DAB1: variants seen among roughly 807,000 people sequenced by gnomAD.
DAB1 encodes the protein DAB adaptor protein 1.
In DAB1, 15 loss-of-function variants were observed where a neutral mutation model predicts 64.6. The observed-to-expected ratio is 0.23, with a 90% CI of 0.16 to 0.36. DAB1 has a LOEUF of 0.36. Ranked by LOEUF, DAB1 falls within the 10% of genes least tolerant of loss-of-function variation. DAB1 has a pLI of 1.00. For missense variants in DAB1, 596 were observed against 706.7 expected, an observed-to-expected ratio of 0.84 and a Z score of 1.78; for synonymous variants, 235 against 251.9, an observed-to-expected ratio of 0.93 and a Z score of 0.64.
chr1:57,695,352 GAAAAGAAAGAAGAAAGAAAGA>G (rs1646819187), intron 6 of DAB1, among the ~76,000 whole-genome samples: 1 of 52,972 alleles, frequency 1.9e-5, no homozygotes. Flanking sequence ...AAGAAAGAAA[GAAAAGAAAGAAGAAAGAAAGA>G]AAGAAAGAAA....
intron 5 of DAB1, among the ~76,000 whole-genome samples, chr1:58,139,272 G>T (rs894498659): frequency 6.6e-6 from 1 of 152,066 alleles, no homozygotes; most frequent in Admixed American, 6.6e-5. Flanking sequence ...TATTGGTTCT[G>T]CCACCCATGA....
chr1:58,317,693 C>G (rs573141032), intron 4 of DAB1, among the ~76,000 whole-genome samples: 1 of 152,314 alleles, frequency 6.6e-6, no homozygotes, highest in African/African-American at 2.4e-5. Flanking sequence ...AGAGCCCAGC[C>G]AAGGTGACAC....
intron 1 of DAB1, among the ~76,000 whole-genome samples, chr1:57,303,916 C>G (rs1673902927): frequency 1.3e-5 from 2 of 152,160 alleles, no homozygotes; most frequent in South Asian, 4.1e-4. Flanking sequence ...CTACGCATGG[C>G]TTTACAATGT....
intron 6 of DAB1, among the ~76,000 whole-genome samples, chr1:57,797,797 T>C (rs919256612): frequency 6.6e-6 from 1 of 152,230 alleles, no homozygotes; most frequent in Non-Finnish European, 1.5e-5. Flanking sequence ...GAATTGGGAA[T>C]AAGCCATACC....
intron 1 of DAB1, among the ~76,000 whole-genome samples, chr1:57,308,706 C>T (rs1674406968): frequency 6.6e-6 from 1 of 152,146 alleles, no homozygotes; most frequent in Non-Finnish European, 1.5e-5. Context: ...CTAAAAAGTA[C>T]TTTTCCATCT....
intron 2 of DAB1, among the ~76,000 whole-genome samples, chr1:57,226,985 C>A (rs967887364): frequency 2.0e-5 from 3 of 150,686 alleles, no homozygotes; most frequent in African/African-American, 7.4e-5. Flanking sequence ...CAAGACTAGC[C>A]TGGGCAACAT....
At chr1:57,449,461 G>A (rs1396498524) in intron 7 of DAB1, among the ~76,000 whole-genome samples, 1 of 150,258 alleles carries the variant, frequency 6.7e-6, no homozygotes, top group Non-Finnish European at 1.5e-5. Context: ...CTCACATACA[G>A]CCTCAAACTC....
chr1:57,075,024 G>A (rs1424369867), intron 4 of DAB1, among the ~76,000 whole-genome samples: 1 of 152,148 alleles, frequency 6.6e-6, no homozygotes, highest in Non-Finnish European at 1.5e-5. Flanking sequence ...AGGGAAAAGT[G>A]GGAGACAAAG....
chr1:57,108,330 A>G (rs1655355017), intron 4 of DAB1, among the ~76,000 whole-genome samples: 1 of 152,158 alleles, frequency 6.6e-6, no homozygotes, highest in African/African-American at 2.4e-5. Flanking sequence ...TTTCATTACT[A>G]GTTTTCATTA....
chr1:58,233,048 T>A (rs781730707), intron 4 of DAB1, among the ~76,000 whole-genome samples: 4 of 152,200 alleles, frequency 2.6e-5, no homozygotes, highest in Admixed American at 2.6e-4. Flanking sequence ...ACTCAATAAA[T>A]ATCTGTTGAA....
intron 7 of DAB1, among the ~76,000 whole-genome samples, chr1:57,488,797 G>T (rs898281320): frequency 1.3e-5 from 2 of 152,122 alleles, no homozygotes; most frequent in Non-Finnish European, 2.9e-5. Context: ...TGTTGACTTT[G>T]AGCAAATTTA....
intron 1 of DAB1, among the ~76,000 whole-genome samples, chr1:57,350,339 C>T (rs6687934): frequency 0.53 from 80,309 of 152,020 alleles, 22,021 homozygotes; most frequent in African/African-American, 0.6. Context: ...ACCTGTTTGA[C>T]TCCTTTTCTG....
intron 4 of DAB1, among the ~76,000 whole-genome samples, chr1:57,077,132 G>A (rs1415461652): frequency 6.6e-6 from 1 of 152,170 alleles, no homozygotes; most frequent in African/African-American, 2.4e-5. Flanking sequence ...CTTGAATTGA[G>A]GCTCCAAGGA....
intron 6 of DAB1, among the ~76,000 whole-genome samples, chr1:57,774,029 C>T (rs1367459105): frequency 2.0e-5 from 3 of 151,706 alleles, no homozygotes; most frequent in African/African-American, 4.8e-5. Flanking sequence ...TAAATTTTGG[C>T]GGGGGGAGCC....
At chr1:57,656,368 G>T (rs945803649) in intron 6 of DAB1, among the ~76,000 whole-genome samples, 1 of 151,804 alleles carries the variant, frequency 6.6e-6, no homozygotes, top group Non-Finnish European at 1.5e-5. Flanking sequence ...GTGTGTGTGT[G>T]TTTTTGTGCT....
chr1:57,381,620 T>C (rs1238231517), intron 1 of DAB1, among the ~76,000 whole-genome samples: 2 of 152,138 alleles, frequency 1.3e-5, no homozygotes, highest in Non-Finnish European at 2.9e-5. Context: ...AATGGAAATT[T>C]GTTGTGAGGA....
At chr1:58,333,026 C>T (rs186697245) in intron 4 of DAB1, among the ~76,000 whole-genome samples, 1 of 152,308 alleles carries the variant, frequency 6.6e-6, no homozygotes, top group East Asian at 1.9e-4. Flanking sequence ...TCTCCTGCCT[C>T]AACCTCCCAA....
intron 2 of DAB1, among the ~76,000 whole-genome samples, chr1:57,153,845 T>C (rs1329438301): frequency 6.6e-6 from 1 of 151,996 alleles, no homozygotes; most frequent in Non-Finnish European, 1.5e-5. Flanking sequence ...TTCACCGTGT[T>C]AGCCAGGATG....
chr1:57,889,099 C>T (rs779082271), intron 5 of DAB1, among the ~76,000 whole-genome samples: 10 of 152,182 alleles, frequency 6.6e-5, no homozygotes, highest in Non-Finnish European at 1.5e-4. Context: ...CTTCCTTTCA[C>T]GAGCTTGAGT....
Sources: allele counts gnomAD v4.1 joint callset (sites outside exome capture counted in the v4.1 genomes callset), GRCh38; gene constraint gnomAD v4.1.1; transcripts MANE v1.5; gene names NCBI Gene and HGNC (gene_info 2026-07-23, HGNC 2026-07-21).